The following PCNX1 variants were observed in gnomAD, a reference collection of about 807,000 sequenced individuals.
The protein encoded by PCNX1 is pecanex 1, also known as pecanex-like protein 1.
Under a neutral mutation model 242.2 loss-of-function variants are expected in PCNX1, and 78 were observed. That is an observed-to-expected ratio of 0.32 (90% CI 0.27 to 0.39). The LOEUF is 0.39. Ranked by LOEUF, PCNX1 falls within the 10% of genes least tolerant of loss-of-function variation. PCNX1 has a pLI of 1.00. For missense variants in PCNX1, 2,581 were observed against 2,856.5 expected (o/e 0.90, Z 2.20); for synonymous variants, 1,024 against 1,032.9 (o/e 0.99, Z 0.17).
At chr14:70,948,764 C>A (rs1044800387) in intron 2 of PCNX1, among the ~76,000 whole-genome samples, 1 of 140,194 alleles carries the variant, frequency 7.1e-6, no homozygotes, top group Non-Finnish European at 1.6e-5. Context: ...TGTACATATA[C>A]ACATATATGT....
At chr14:70,910,382 C>G (rs943063869) in intron 1 of PCNX1, among the ~76,000 whole-genome samples, 2 of 151,486 alleles carry the variant, frequency 1.3e-5, no homozygotes, top group Non-Finnish European at 2.9e-5. Flanking sequence ...TCTTTCAGAT[C>G]ATGTCATTCT....
chr14:71,049,607 G>A (rs774581663), intron 22 of PCNX1, among the ~76,000 whole-genome samples: 2 of 152,046 alleles, frequency 1.3e-5, no homozygotes, highest in African/African-American at 4.8e-5. Flanking sequence ...TAATGGCATC[G>A]TGATGATATA....
chr14:70,932,205 CT>C (rs2056827890), intron 1 of PCNX1, among the ~76,000 whole-genome samples: 1 of 152,260 alleles, frequency 6.6e-6, no homozygotes, highest in Non-Finnish European at 1.5e-5. Flanking sequence ...ACTTTTTCAA[CT>C]TTTTCTAATA....
intron 26 of PCNX1, chr14:71,060,539 C>G (rs1233741352): frequency 6.6e-6 from 1 of 152,116 alleles, no homozygotes; most frequent in Non-Finnish European, 1.5e-5. Context: ...AAATTCACAG[C>G]TATTGTTGCC....
chr14:70,955,800 G>A (rs2057970273), intron 2 of PCNX1, among the ~76,000 whole-genome samples: 1 of 151,934 alleles, frequency 6.6e-6, no homozygotes, highest in Non-Finnish European at 1.5e-5. Context: ...CTACAGCTTG[G>A]CTAAGAGTTT....
chr14:71,013,525 T>G (rs1237394608), intron 11 of PCNX1, among the ~76,000 whole-genome samples: 1 of 152,070 alleles, frequency 6.6e-6, no homozygotes, highest in Non-Finnish European at 1.5e-5. Flanking sequence ...TGCAAAGTTC[T>G]ATATAACAGT....
chr14:71,053,044 A>G (rs146962552), intron 24 of PCNX1, among the ~76,000 whole-genome samples: 193 of 152,342 alleles, frequency 1.3e-3, no homozygotes, highest in African/African-American at 4.3e-3. Flanking sequence ...GGCATATTTA[A>G]TAGGTGAAAA....
intron 20 of PCNX1, among the ~76,000 whole-genome samples, chr14:71,045,516 CT>C (rs1382221827): frequency 1.3e-5 from 2 of 152,144 alleles, no homozygotes; most frequent in African/African-American, 4.8e-5. Context: ...TACTTCTCCC[CT>C]CTCTAAATTG....
chr14:70,968,064 C>G, intron 3 of PCNX1, 134 bp from the exon 4 acceptor site: 1 of 710,030 alleles, frequency 1.4e-6, no homozygotes, highest in Non-Finnish European at 2.4e-6. Flanking sequence ...CAACAAGTAT[C>G]TTCTAATATT....
At chr14:70,990,564 CA>C (rs35800114) in intron 7 of PCNX1, among the ~76,000 whole-genome samples, 55,897 of 140,476 alleles carry the variant, frequency 0.4, 10,549 homozygotes, top group East Asian at 0.63. Context: ...GACTCCATCT[CA>C]AAAAAAAAAA....
At chr14:71,041,953 C>G (rs1006090563) in intron 19 of PCNX1, among the ~76,000 whole-genome samples, 10 of 152,238 alleles carry the variant, frequency 6.6e-5, no homozygotes, top group Admixed American at 5.2e-4. Context: ...TTCAGGAGCA[C>G]ATTGTTTAAT....
chr14:71,102,158 G>A lies in PCNX1; in HGVS notation c.5758G>A (p.Gly1920Ser). ...TGCTCTGCGGCATGTCATGGATGAT[G>A]GCACCAATGAATATAAAATCATCAT... is the stretch of plus-strand genomic sequence containing the variant. ...LLALRHVMDDGTNEYKIIMLN... is the reference protein window; with the variant it reads ...LLALRHVMDDSTNEYKIIMLN... The change falls in exon 31 of 36, where the codon GGC becomes AGC. Residue 1920 changes from glycine (G) to serine (S), a missense_variant. Physicochemically the swap from Gly to Ser is moderately conservative, Grantham distance 56 (BLOSUM62 0). Coordinates refer to ENST00000304743, the MANE Select transcript of PCNX1 (RefSeq NM_014982.3). 3.1e-6 allele frequency: 5 copies of A among 1,614,044 alleles called. No individual in the cohort carries two copies. Among genetic ancestry groups the A allele is most frequent in the Non-Finnish European group, 4.2e-6 (5 of 1,179,976 alleles).
intron 2 of PCNX1, among the ~76,000 whole-genome samples, chr14:70,957,843 TAGAG>T (rs55860498): frequency 1.6e-4 from 24 of 150,626 alleles, no homozygotes; most frequent in Admixed American, 7.3e-4. Context: ...TGTATATATA[TAGAG>T]AGAGAGAGAG....
At position 71,009,678 on chromosome 14, in the gene PCNX1, T is replaced by A; in HGVS notation, c.2674T>A (p.Ser892Thr). 6.2e-7 allele frequency: 1 copy of A among 1,604,950 alleles called. No homozygotes were observed. The highest frequency in any genetic ancestry group is 8.5e-7 in the Non-Finnish European group (1 of 1,173,368). The change falls in exon 9 of 36, where the codon TCA becomes ACA. Residue 892 changes from serine to threonine, a missense_variant. Around this residue, in one of 9 missense-constraint regions of PCNX1, gnomAD observed 1,204 missense variants for 1,216.7 expected, o/e 0.99. Transcript: ENST00000304743. ...GTATGAGACTGGTGGCTGTGATATG[T>A]CACTTGTGAATTTTGAACCAGCAGC... Reference protein sequence around the residue: ...TLYETGGCDMSLVNFEPAARR... With the variant: ...TLYETGGCDMTLVNFEPAARR...
intron 19 of PCNX1, chr14:71,044,572 G>A (rs1330943830): frequency 6.6e-6 from 1 of 152,408 alleles, no homozygotes; most frequent in Non-Finnish European, 1.5e-5. Flanking sequence ...CGAAGCATGA[G>A]GGGTAGCAGT....
intron 1 of PCNX1, among the ~76,000 whole-genome samples, chr14:70,919,434 A>T (rs1024026462): frequency 6.6e-6 from 1 of 152,126 alleles, no homozygotes; most frequent in Admixed American, 6.5e-5. Flanking sequence ...TCCTTCTGTT[A>T]TCTGAGTTAA....
intron 1 of PCNX1, among the ~76,000 whole-genome samples, chr14:70,936,003 G>C (rs903717488): frequency 3.3e-5 from 5 of 152,132 alleles, no homozygotes; most frequent in Admixed American, 3.3e-4. Context: ...ATGTATCAAA[G>C]CAGTTTGTGT....
At chr14:70,983,408 G>A (rs995302378) in intron 6 of PCNX1, among the ~76,000 whole-genome samples, 3 of 152,004 alleles carry the variant, frequency 2.0e-5, no homozygotes, top group East Asian at 3.9e-4. Flanking sequence ...AGGTTCAAGC[G>A]ATTCTCCTGC....
chr14:71,014,434 T>C (rs1425171251), intron 11 of PCNX1, among the ~76,000 whole-genome samples: 3 of 152,170 alleles, frequency 2.0e-5, no homozygotes, highest in Non-Finnish European at 4.4e-5. Context: ...GACCAAACTG[T>C]AGCTTAAATA....
Sources: gnomAD v4.1 joint callset for allele counts (sites outside exome capture counted in the v4.1 genomes callset) on GRCh38, gnomAD v4.1.1 for gene constraint, gnomAD v4.1.1 regional missense constraint, MANE v1.5 for transcripts, NCBI Gene and HGNC (gene_info 2026-07-23, HGNC 2026-07-21) for gene names.